The following NAV2 variants were observed in gnomAD, a reference collection of about 807,000 sequenced individuals.
The protein encoded by NAV2 is neuron navigator 2, also known as helicase, APC down-regulated 1.
Under a neutral mutation model 223.2 loss-of-function variants are expected in NAV2, and 54 were observed. The observed-to-expected ratio is 0.24, with a 90% CI of 0.19 to 0.30. The LOEUF is 0.30. Among genes scored for constraint, NAV2 ranks in the 10% least tolerant of loss-of-function variants. The pLI is 1.00. For missense variants in NAV2, 2,806 were observed against 3,147.5 expected, an observed-to-expected ratio of 0.89 and a Z score of 2.60; for synonymous variants, 1,279 against 1,239.3, an observed-to-expected ratio of 1.03 and a Z score of -0.67.
intron 1 of NAV2, among the ~76,000 whole-genome samples, chr11:19,581,673 T>C (rs1427750228): frequency 6.6e-6 from 1 of 152,206 alleles, no homozygotes; most frequent in Non-Finnish European, 1.5e-5. Context: ...GCTTCATCCA[T>C]GTCCCTACAA....
At chr11:19,542,840 A>C (rs1175761315) in intron 1 of NAV2, among the ~76,000 whole-genome samples, 2 of 152,382 alleles carry the variant, frequency 1.3e-5, no homozygotes, top group Non-Finnish European at 2.9e-5. Context: ...CGCCTGACTC[A>C]GACTGTGAGC....
intron 14 of NAV2, among the ~76,000 whole-genome samples, chr11:20,048,495 G>A (rs1408070371): frequency 6.6e-6 from 1 of 152,214 alleles, no homozygotes; most frequent in East Asian, 1.9e-4. Context: ...CTCAGATGGA[G>A]TCAGAGTCTC....
At chr11:19,569,161 T>C (rs2045355137) in intron 1 of NAV2, among the ~76,000 whole-genome samples, 1 of 152,232 alleles carries the variant, frequency 6.6e-6, no homozygotes, top group Non-Finnish European at 1.5e-5. Context: ...AAGTTTTAAA[T>C]AATAAAGAAA....
At chr11:19,671,281 C>T (rs1454716875) in intron 1 of NAV2, among the ~76,000 whole-genome samples, 1 of 152,232 alleles carries the variant, frequency 6.6e-6, no homozygotes, top group Non-Finnish European at 1.5e-5. Context: ...CACAAGCACA[C>T]AGTATCCCTC....
At chr11:20,017,359 C>G (rs928711603) in intron 11 of NAV2, among the ~76,000 whole-genome samples, 12 of 152,208 alleles carry the variant, frequency 7.9e-5, no homozygotes, top group Admixed American at 7.2e-4. Flanking sequence ...CACTCCCCAA[C>G]CCCTTCGTCT....
At chr11:20,082,939 G>T in intron 25 of NAV2, 68 bp from the exon 26 acceptor site, 1 of 1,423,162 alleles carries the variant, frequency 7.0e-7, no homozygotes, top group Non-Finnish European at 9.6e-7. Flanking sequence ...TTGTGTGCAT[G>T]TCTCTGTTTT....
At chr11:19,497,758 T>A (rs545010515) in intron 1 of NAV2, among the ~76,000 whole-genome samples, 25 of 152,042 alleles carry the variant, frequency 1.6e-4, no homozygotes, top group Admixed American at 3.3e-4. Flanking sequence ...CCTTTTGGAG[T>A]GTCTCGGTTA....
chr11:19,648,928 A>G (rs576831200), intron 1 of NAV2, among the ~76,000 whole-genome samples: 1 of 152,284 alleles, frequency 6.6e-6, no homozygotes, highest in Admixed American at 6.5e-5. Flanking sequence ...ATATCTTACT[A>G]TGCTAATTAT....
At chr11:19,931,826 GTGCTTTTTGGGGGGC>G (rs1253146689) in intron 6 of NAV2, 2 of 152,302 alleles carry the variant, frequency 1.3e-5, no homozygotes, top group African/African-American at 4.8e-5. Flanking sequence ...AGATGCAGAG[GTGCTTTTTGGGGGGC>G]TGAAGGGGTG....
intron 1 of NAV2, among the ~76,000 whole-genome samples, chr11:19,424,446 G>T (rs1470781771): frequency 6.6e-6 from 1 of 152,190 alleles, no homozygotes; most frequent in African/African-American, 2.4e-5. Flanking sequence ...TCAAAGATTT[G>T]ACTGTCGAAA....
At chr11:19,345,625 C>T in the NAV2 span, among the ~76,000 whole-genome samples, 1 of 152,238 alleles carries the variant, frequency 6.6e-6, no homozygotes, top group Non-Finnish European at 1.5e-5. The surrounding 1 kb of genome is among the most constrained non-coding windows in gnomAD (Gnocchi z 5.2). Context: ...CGATGACGGC[C>T]GGCGGGCCCT....
At chr11:20,094,507 C>T (rs925525172) in intron 29 of NAV2, among the ~76,000 whole-genome samples, 7 of 152,052 alleles carry the variant, frequency 4.6e-5, no homozygotes, top group East Asian at 1.9e-4. Context: ...GGATTATAGG[C>T]GTGAACCACC....
chr11:19,353,739 TA>T (rs1172219056), intron 1 of NAV2, among the ~76,000 whole-genome samples: 2 of 152,276 alleles, frequency 1.3e-5, no homozygotes, highest in East Asian at 1.9e-4. Flanking sequence ...TTTAAATCCT[TA>T]AAAAAATACT....
intron 6 of NAV2, among the ~76,000 whole-genome samples, chr11:19,905,091 A>T (rs1185535070): frequency 6.6e-6 from 1 of 152,172 alleles, no homozygotes; most frequent in Admixed American, 6.5e-5. Context: ...TTTATTTTTG[A>T]GGGTGCTACT....
At chr11:19,755,296 T>G (rs1283239002) in intron 1 of NAV2, among the ~76,000 whole-genome samples, 1 of 152,156 alleles carries the variant, frequency 6.6e-6, no homozygotes, top group Non-Finnish European at 1.5e-5. Flanking sequence ...GCAGCCAAAA[T>G]GGTGGAGGTG....
chr11:19,497,878 C>G (rs1318248409), intron 1 of NAV2, among the ~76,000 whole-genome samples: 1 of 152,104 alleles, frequency 6.6e-6, no homozygotes, highest in Admixed American at 6.5e-5. Context: ...TTAAAAGTGG[C>G]TTGGAACAGC....
chr11:19,447,652 C>T (rs1175978065), intron 1 of NAV2, among the ~76,000 whole-genome samples: 2 of 152,186 alleles, frequency 1.3e-5, no homozygotes, highest in African/African-American at 4.8e-5. Flanking sequence ...AAATATCAAG[C>T]ACTCCTGACT....
chr11:19,990,876 G>T (rs1005402448), intron 11 of NAV2, among the ~76,000 whole-genome samples: 2 of 152,142 alleles, frequency 1.3e-5, no homozygotes, highest in African/African-American at 4.8e-5. Flanking sequence ...AACTCTTTTG[G>T]ACAGCACTGA....
intron 11 of NAV2, among the ~76,000 whole-genome samples, chr11:19,994,373 C>T (rs1227361034): frequency 6.6e-6 from 1 of 151,850 alleles, no homozygotes; most frequent in Non-Finnish European, 1.5e-5. Flanking sequence ...ATGGCAAAAC[C>T]CCGTCTCTAC....
Sources: gnomAD v4.1 joint callset for allele counts (sites outside exome capture counted in the v4.1 genomes callset) on GRCh38, gnomAD v4.1.1 for gene constraint, Gnocchi (gnomAD v3.1) non-coding constraint, MANE v1.5 for transcripts, NCBI Gene and HGNC (gene_info 2026-07-23, HGNC 2026-07-21) for gene names.